CEP295: variants seen among roughly 807,000 people sequenced by gnomAD.
The protein encoded by CEP295 is centrosomal protein 295.
Under a neutral mutation model 291.6 loss-of-function variants are expected in CEP295, and 190 were observed. The observed-to-expected ratio is 0.65, with a 90% CI of 0.58 to 0.73. The LOEUF is 0.73. CEP295 is among the 30% of genes least tolerant of loss of function. The pLI is 0.00. For missense variants in CEP295, 2,863 were observed against 2,949.4 expected (o/e 0.97, Z 0.68); for synonymous variants, 993 against 1,038.8 (o/e 0.96, Z 0.85).
intron 12 of CEP295, among the ~76,000 whole-genome samples, chr11:93,692,547 G>C (rs1013849099): frequency 4.6e-5 from 7 of 152,042 alleles, no homozygotes; most frequent in Admixed American, 4.6e-4. Context: ...CTGCAGCCTT[G>C]ACCTCCTCAG....
chr11:93,721,813 G>T (rs1447912023), intron 19 of CEP295, 141 bp from the exon 20 acceptor site: 7 of 726,636 alleles, frequency 9.6e-6, no homozygotes, highest in Non-Finnish European at 5.0e-6. Context: ...TGATGAAAAG[G>T]TTTTACTACT....
chr11:93,728,596 A>C, intron 24 of CEP295, 85 bp from the exon 25 acceptor site: 2 of 1,253,386 alleles, frequency 1.6e-6, no homozygotes, highest in Non-Finnish European at 2.1e-6. Context: ...TACACTTGCA[A>C]AAAATGTGCA....
At chr11:93,692,857 C>A (rs1162713048) in intron 12 of CEP295, among the ~76,000 whole-genome samples, 2 of 150,850 alleles carry the variant, frequency 1.3e-5, no homozygotes, top group African/African-American at 4.9e-5. Context: ...TCTGTAGTCC[C>A]ACCTACCCAG....
At position 93,707,567 on chromosome 11, in the gene CEP295, C is replaced by T. The variant is rs1018608272; in HGVS notation, c.5749+670C>T. 1.1e-4 allele frequency among the ~76,000 whole-genome samples: 17 copies of T among 152,026 alleles called. 1 individual carries two copies. Among genetic ancestry groups the T allele is most frequent in the Admixed American group, 6.6e-4 (10 of 15,262 alleles). ...TCATGAGGTCAGAAGATTGAGACCA[C>T]GGCTAACACCGTGAAACCCTGTCTA... On this transcript the variant is annotated intron_variant, in intron 18 of 29. Transcript: ENST00000325212.
intron 22 of CEP295, 144 bp downstream of exon 22, chr11:93,724,519 C>A: frequency 1.2e-6 from 1 of 826,038 alleles, no homozygotes; most frequent in Non-Finnish European, 1.9e-6. Flanking sequence ...GTAATCCCAG[C>A]ACTTTGAGAG....
Position 93,727,210 on chromosome 11 carries a change from C to T in CEP295, c.6734C>T (p.Ala2245Val), listed in dbSNP as rs1270473194. 4 of 1,551,332 alleles carry T rather than the reference C, an allele frequency of 2.6e-6. No homozygotes were observed. The highest frequency in any genetic ancestry group is 2.6e-6 in the Non-Finnish European group (3 of 1,146,850). The change falls in exon 24 of 30, where the codon GCT becomes GTT. Residue 2245 changes from alanine to valine, a missense_variant. Coordinates refer to ENST00000325212, the MANE Select transcript of CEP295 (RefSeq NM_033395.2). ...LSSVYSSSDE[A>V]NVFDQLNVQH... ...TCAGTCTACAGTTCATCTGATGAAG[C>T]TAATGTATTTGATCAGTTAAATGTA... is the stretch of plus-strand genomic sequence containing the variant.
intron 9 of CEP295, among the ~76,000 whole-genome samples, chr11:93,684,551 G>A (rs1319670353): frequency 1.3e-5 from 2 of 152,208 alleles, no homozygotes; most frequent in Non-Finnish European, 2.9e-5. Context: ...GAACATCTGA[G>A]CCCCTGTCCC....
chr11:93,721,265 C>A, intron 18 of CEP295, 47 bp from the exon 19 acceptor site: 2 of 1,061,456 alleles, frequency 1.9e-6, no homozygotes, highest in East Asian at 2.6e-5. Flanking sequence ...TTGTCTTATC[C>A]CAACTATATT....
chr11:93,699,360 C>T lies in CEP295; in HGVS notation c.4448C>T (p.Ser1483Leu). Reference protein sequence around the residue: ...IEKTQKELVLSKPCKFEEKVS... With the variant: ...IEKTQKELVLLKPCKFEEKVS... ...AAAACCCAGAAAGAATTGGTTTTGT[C>T]AAAACCATGTAAATTTGAGGAAAAG... The change falls in exon 15 of 30, where the codon TCA (serine) becomes TTA (leucine). Residue 1483 changes from serine (S) to leucine (L), a missense_variant. This residue lies in a region of CEP295 where 2,295 missense variants were observed against 2,335.7 expected (regional missense o/e 0.98). Coordinates refer to ENST00000325212, the MANE Select transcript of CEP295 (RefSeq NM_033395.2). 6.4e-7 allele frequency: 1 copy of T among 1,551,884 alleles called. No individual in the cohort carries two copies.
At chr11:93,721,665 G>GGTGTGTGTGT (rs59894789) in intron 19 of CEP295, 79 of 607,118 alleles carry the variant, frequency 1.3e-4, no homozygotes, top group African/African-American at 2.8e-4. Flanking sequence ...GCATATGTCT[G>GGTGTGTGTGT]GTGTGTGTGT....
intron 17 of CEP295, among the ~76,000 whole-genome samples, chr11:93,704,707 T>G (rs1952407298): frequency 6.6e-6 from 1 of 152,152 alleles, no homozygotes; most frequent in Non-Finnish European, 1.5e-5. Flanking sequence ...TCTCATGAAG[T>G]CTTGGTCTCA....
intron 24 of CEP295, 36 bp from the exon 25 acceptor site, chr11:93,728,644 AT>A: frequency 1.3e-6 from 2 of 1,500,630 alleles, no homozygotes; most frequent in Non-Finnish European, 1.8e-6. Context: ...TTTTAAGGCT[AT>A]TTTGACATGG....
chr11:93,705,687 CA>C (rs1346436153), intron 17 of CEP295, among the ~76,000 whole-genome samples: 2 of 152,012 alleles, frequency 1.3e-5, no homozygotes, highest in African/African-American at 4.8e-5. Flanking sequence ...TTAGTTCTTT[CA>C]TTTTTTTGTT....
At chr11:93,690,513 C>T (rs111441762) in intron 10 of CEP295, among the ~76,000 whole-genome samples, 1,479 of 144,818 alleles carry the variant, frequency 0.01, 22 homozygotes, top group African/African-American at 0.036. Context: ...GAGCCGAGAT[C>T]GGGCCACTGC....
chr11:93,730,085 G>A lies in CEP295; in HGVS notation c.7704G>A (p.Lys2568=). The A allele has an allele frequency of 6.5e-7, 1 of 1,550,302 alleles. No individual in the cohort carries two copies. Among genetic ancestry groups the A allele is most frequent in the Non-Finnish European group, 8.7e-7 (1 of 1,146,694 alleles). ...YNQLAEVKQQ[K]EEKTKQEAYA... ...AACTAGCTGAAGTGAAACAACAAAA[G>A]GAAGAAAAAACAAAACAAGAAGCTT... The change falls in exon 29 of 30, where the codon AAG becomes AAA. Residue 2568 remains lysine (K), a synonymous_variant. Coordinates refer to ENST00000325212, the MANE Select transcript of CEP295 (RefSeq NM_033395.2).
intron 18 of CEP295, among the ~76,000 whole-genome samples, chr11:93,713,215 TTAAGTA>T (rs1249164856): frequency 5.3e-5 from 8 of 149,848 alleles, no homozygotes; most frequent in African/African-American, 2.0e-4. Context: ...GTCTTTCTGT[TTAAGTA>T]TGAGTAGTTT....
intron 5 of CEP295, among the ~76,000 whole-genome samples, chr11:93,670,587 C>T (rs1950394735): frequency 6.6e-6 from 1 of 152,016 alleles, no homozygotes; most frequent in Non-Finnish European, 1.5e-5. Context: ...GCATAAGTAC[C>T]AGATACTCAC....
intron 15 of CEP295, among the ~76,000 whole-genome samples, chr11:93,701,991 G>A (rs1004007434): frequency 6.6e-6 from 1 of 151,726 alleles, no homozygotes; most frequent in African/African-American, 2.4e-5. Flanking sequence ...TTGCTCTGCT[G>A]CCCAGGCTGC....
chr11:93,675,436 T>C (rs1950640351), intron 5 of CEP295, 135 bp from the exon 6 acceptor site: 1 of 452,296 alleles, frequency 2.2e-6, no homozygotes, highest in Non-Finnish European at 3.9e-6. Flanking sequence ...AAATTTGATT[T>C]CATTATGAGC....
Sources: allele counts gnomAD v4.1 joint callset (sites outside exome capture counted in the v4.1 genomes callset), GRCh38; gene constraint gnomAD v4.1.1; regional missense constraint gnomAD v4.1.1; transcripts MANE v1.5; gene names NCBI Gene and HGNC (gene_info 2026-07-23, HGNC 2026-07-21).